Variants in FHIT observed in about 807,000 individuals in gnomAD.
The protein encoded by FHIT is fragile histidine triad diadenosine triphosphatase, also known as bis(5'-adenosyl)-triphosphatase.
In FHIT, 19 loss-of-function variants were observed where a neutral mutation model predicts 17.9. The observed-to-expected ratio is 1.06, with a 90% confidence interval of 0.74 to 1.56. The LOEUF (loss-of-function observed/expected upper bound fraction) is 1.56, where lower values mean the gene tolerates loss of function less well. Ranked by LOEUF, FHIT falls within the 40% of genes most tolerant of loss-of-function variation. The pLI, the probability that FHIT is intolerant of heterozygous loss-of-function variation, is 0.00. For synonymous variants in FHIT, 81 were observed against 69.7 expected (o/e 1.16, Z -0.81); for missense variants, 248 against 189.2 (o/e 1.31, Z -1.82).
In FHIT at chr3:60,324,103, C is replaced by G. The variant is rs114197480; in HGVS notation, c.103+212757G>C. Among the ~76,000 whole-genome samples, 433 of 152,126 alleles carry G rather than the reference C, an allele frequency of 2.8e-3. 1 individual carries two copies. The highest frequency in any genetic ancestry group is 4.5e-3 in the Non-Finnish European group (303 of 67,994). ...AACAGCTGGTTGTATTAGGATACAC[C>G]AGGCATTCAAATACAAGTAAACTCA... is the stretch of plus-strand genomic sequence containing the variant. On this transcript the variant is annotated intron_variant, in intron 5 of 9. Coordinates refer to ENST00000492590, the MANE Select transcript of FHIT (RefSeq NM_002012.4).
chr3:60,464,611 T>C (rs934183815), intron 5 of FHIT, among the ~76,000 whole-genome samples: 1 of 152,116 alleles, frequency 6.6e-6, no homozygotes, highest in African/African-American at 2.4e-5. Flanking sequence ...GAACATGTGA[T>C]GTTTGTCTTT....
At chr3:61,249,187 T>G (rs2040554429) in intron 1 of FHIT, among the ~76,000 whole-genome samples, 1 of 152,154 alleles carries the variant, frequency 6.6e-6, no homozygotes, top group African/African-American at 2.4e-5. Context: ...TGACTGCTGG[T>G]GGAATGAAAA....
At chr3:61,187,202 T>A (rs1163220350) in intron 2 of FHIT, among the ~76,000 whole-genome samples, 2 of 152,150 alleles carry the variant, frequency 1.3e-5, no homozygotes, top group African/African-American at 4.8e-5. Flanking sequence ...CAAGGCTTAG[T>A]CCTTTCTTGA....
At chr3:60,302,397 C>T (rs1020057519) in intron 5 of FHIT, among the ~76,000 whole-genome samples, 1 of 152,000 alleles carries the variant, frequency 6.6e-6, no homozygotes, top group Non-Finnish European at 1.5e-5. Flanking sequence ...CATAATTTCT[C>T]CTATCTTAGG....
chr3:60,725,061 T>G (rs2041890543), intron 4 of FHIT, among the ~76,000 whole-genome samples: 1 of 152,202 alleles, frequency 6.6e-6, no homozygotes, highest in African/African-American at 2.4e-5. Flanking sequence ...TTCATGGGCT[T>G]ATTAGCCATT....
At chr3:60,012,263 G>T (rs76437546) in intron 6 of FHIT, among the ~76,000 whole-genome samples, 6,741 of 118,778 alleles carry the variant, frequency 0.057, 185 homozygotes, top group East Asian at 0.13. Flanking sequence ...TGTTTTTTTT[G>T]TTGTTTTTTT....
chr3:60,551,205 G>C (rs1030407740), intron 4 of FHIT, among the ~76,000 whole-genome samples: 2 of 151,678 alleles, frequency 1.3e-5, no homozygotes, highest in African/African-American at 4.8e-5. Flanking sequence ...GATGAGCAGG[G>C]ATCAGATCAT....
intron 4 of FHIT, among the ~76,000 whole-genome samples, chr3:60,570,026 G>A (rs1431692947): frequency 6.6e-6 from 1 of 151,792 alleles, no homozygotes; most frequent in African/African-American, 2.4e-5. Context: ...CACTGCCTAG[G>A]GATCTTTAAA....
chr3:60,851,839 ATAGT>A (rs1382093737), intron 3 of FHIT, among the ~76,000 whole-genome samples: 2 of 152,164 alleles, frequency 1.3e-5, no homozygotes, highest in Non-Finnish European at 1.5e-5. Flanking sequence ...TTTCTATGGT[ATAGT>A]TAAACTTGTA....
intron 7 of FHIT, among the ~76,000 whole-genome samples, chr3:59,988,697 T>A (rs1438416473): frequency 1.3e-5 from 2 of 151,976 alleles, no homozygotes; most frequent in East Asian, 3.9e-4. Flanking sequence ...GAGATAAGGA[T>A]CTCAAAATAA....
intron 5 of FHIT, among the ~76,000 whole-genome samples, chr3:60,256,301 T>C (rs1281071838): frequency 6.6e-6 from 1 of 152,204 alleles, no homozygotes. Context: ...CATCTTCCCA[T>C]GTCTCTTATC....
At chr3:60,522,761 A>T (rs2107569272) in intron 5 of FHIT, among the ~76,000 whole-genome samples, 1 of 152,212 alleles carries the variant, frequency 6.6e-6, no homozygotes, top group African/African-American at 2.4e-5. Flanking sequence ...ACATTTCTGC[A>T]TTTTTCTGAA....
intron 4 of FHIT, among the ~76,000 whole-genome samples, chr3:60,821,355 C>T (rs1346291594): frequency 2.0e-5 from 3 of 152,176 alleles, no homozygotes; most frequent in African/African-American, 7.2e-5. Context: ...CGTAAAGCCT[C>T]TTTGTAAGAC....
intron 4 of FHIT, among the ~76,000 whole-genome samples, chr3:60,589,551 A>C (rs2038014823): frequency 6.6e-6 from 1 of 152,212 alleles, no homozygotes; most frequent in African/African-American, 2.4e-5. Context: ...CTTTGCTAAT[A>C]GAAATGATGC....
At chr3:59,838,373 T>G (rs1314055966) in intron 8 of FHIT, among the ~76,000 whole-genome samples, 2 of 152,136 alleles carry the variant, frequency 1.3e-5, no homozygotes, top group Admixed American at 1.3e-4. Flanking sequence ...TCTCACAAAC[T>G]AATTCAAACC....
intron 3 of FHIT, among the ~76,000 whole-genome samples, chr3:60,865,196 C>T (rs1294112677): frequency 6.6e-6 from 1 of 152,018 alleles, no homozygotes; most frequent in Non-Finnish European, 1.5e-5. Flanking sequence ...TTCTGTCTGA[C>T]GTTGAAAAAA....
At chr3:60,782,858 C>T (rs1700439654) in intron 4 of FHIT, among the ~76,000 whole-genome samples, 1 of 152,180 alleles carries the variant, frequency 6.6e-6, no homozygotes, top group Non-Finnish European at 1.5e-5. Flanking sequence ...GGTAAACAGG[C>T]ATAAAGGGCC....
At chr3:59,838,419 C>A (rs1701414416) in intron 8 of FHIT, among the ~76,000 whole-genome samples, 1 of 152,232 alleles carries the variant, frequency 6.6e-6, no homozygotes, top group Non-Finnish European at 1.5e-5. Flanking sequence ...TCACCCCCAG[C>A]TACTGTTCCT....
intron 3 of FHIT, among the ~76,000 whole-genome samples, chr3:61,018,447 A>T (rs777712764): frequency 6.6e-5 from 10 of 152,230 alleles, no homozygotes; most frequent in African/African-American, 1.2e-4. Flanking sequence ...TAAATGTCCA[A>T]CTTTTAGTTT....
Sources: gnomAD v4.1 joint callset for allele counts (sites outside exome capture counted in the v4.1 genomes callset) on GRCh38, gnomAD v4.1.1 for gene constraint, MANE v1.5 for transcripts, NCBI Gene and HGNC (gene_info 2026-07-23, HGNC 2026-07-21) for gene names.